The following DCDC2C variants were observed in gnomAD, a reference collection of about 807,000 sequenced individuals.
DCDC2C encodes the protein doublecortin domain-containing protein 2C.
Under a neutral mutation model 45.0 loss-of-function variants are expected in DCDC2C, and 44 were observed. The ratio of observed to expected loss-of-function variants is 0.98; its 90% CI spans 0.77 to 1.26. DCDC2C has a LOEUF of 1.26. Among genes scored for constraint, DCDC2C ranks in the 50% most tolerant of loss-of-function variants. The pLI, the probability that DCDC2C is intolerant of heterozygous loss-of-function variation, is 0.00. For missense variants in DCDC2C, 447 were observed against 468.9 expected, an observed-to-expected ratio of 0.95 and a Z score of 0.43; for synonymous variants, 187 against 178.8, an observed-to-expected ratio of 1.05 and a Z score of -0.37.
intron 10 of DCDC2C, among the ~76,000 whole-genome samples, chr2:3,791,851 A>C (rs1293927728): frequency 6.6e-6 from 1 of 152,242 alleles, no homozygotes; most frequent in African/African-American, 2.4e-5. Context: ...ACACACCGCC[A>C]CAGGGCATTC....
chr2:3,816,475 A>C (rs1295443483), intron 10 of DCDC2C, among the ~76,000 whole-genome samples: 1 of 152,212 alleles, frequency 6.6e-6, no homozygotes, highest in East Asian at 1.9e-4. Flanking sequence ...AGGCCTCAGC[A>C]ATTCTGGAAG....
intron 10 of DCDC2C, among the ~76,000 whole-genome samples, chr2:3,817,745 G>A (rs997894751): frequency 6.6e-6 from 1 of 152,210 alleles, no homozygotes; most frequent in African/African-American, 2.4e-5. Flanking sequence ...AAAGGGTTGG[G>A]ATGAGTTAGG....
chr2:3,843,133 G>C (rs1033934002), intron 10 of DCDC2C, among the ~76,000 whole-genome samples: 1 of 152,196 alleles, frequency 6.6e-6, no homozygotes, highest in Non-Finnish European at 1.5e-5. Flanking sequence ...GAAGGGAAAG[G>C]GATGAGAGTA....
intron 10 of DCDC2C, among the ~76,000 whole-genome samples, chr2:3,791,933 C>T (rs17018075): frequency 0.13 from 19,905 of 152,158 alleles, 1,452 homozygotes; most frequent in East Asian, 0.28. Flanking sequence ...AGATGAAGCT[C>T]GGTGTTCAGG....
chr2:3,745,988 T>G (rs1669349589), intron 4 of DCDC2C, among the ~76,000 whole-genome samples: 1 of 152,168 alleles, frequency 6.6e-6, no homozygotes, highest in African/African-American at 2.4e-5. Flanking sequence ...TTTGGAATAA[T>G]GTATCCAAAT....
At chr2:3,711,086 GT>G (rs1236209400) in intron 2 of DCDC2C, among the ~76,000 whole-genome samples, 1 of 152,166 alleles carries the variant, frequency 6.6e-6, no homozygotes, top group Non-Finnish European at 1.5e-5. Flanking sequence ...AGCAACTTCT[GT>G]TTTTTGACTT....
rs539535465 is a variant in DCDC2C at position 3,771,211 on chromosome 2, G to T, written c.954+1800G>T. ...GCTGGGATGCTGGGGACAGCTGAGT[G>T]CCAGGAGGACCCTTCCTGCACAGCA... On this transcript the variant is annotated intron_variant, in intron 8 of 10. Coordinates refer to ENST00000399143, the MANE Select transcript of DCDC2C (RefSeq NM_001287444.2). Among the ~76,000 whole-genome samples, 56 of 152,352 alleles carry T rather than the reference G, an allele frequency of 3.7e-4. 1 individual carries two copies. Among genetic ancestry groups the T allele is most frequent in the African/African-American group, 1.2e-3 (51 of 41,586 alleles).
intron 4 of DCDC2C, among the ~76,000 whole-genome samples, chr2:3,750,362 C>T (rs148479965): frequency 1.1e-4 from 17 of 152,262 alleles, no homozygotes; most frequent in African/African-American, 3.1e-4. Context: ...CTTTACTTCA[C>T]GTCATTCTCA....
intron 4 of DCDC2C, among the ~76,000 whole-genome samples, chr2:3,745,237 C>T (rs1260484572): frequency 2.6e-5 from 4 of 152,138 alleles, no homozygotes; most frequent in African/African-American, 9.7e-5. Context: ...CTGCCCACCT[C>T]GGCCTCCCAA....
chr2:3,754,608 G>A lies in DCDC2C; in HGVS notation c.700G>A (p.Glu234Lys). The change falls in exon 6 of 11, where the codon GAA becomes AAA. Residue 234 changes from glutamate to lysine, a missense_variant. Coordinates refer to ENST00000399143, the MANE Select transcript of DCDC2C (RefSeq NM_001287444.2). ...GTCTTGCAGAAGGTATGCGAATGTT[G>A]AAAAAAACTCACAGAGAAAGAAAAA... ...SEVQQRYANVEKNSQRKKKVD... is the reference protein window; with the variant it reads ...SEVQQRYANVKKNSQRKKKVD... 1 of 1,549,384 alleles carries A rather than the reference G, an allele frequency of 6.5e-7. No homozygotes were observed. Among genetic ancestry groups the A allele is most frequent in the Non-Finnish European group, 8.7e-7 (1 of 1,146,662 alleles).
chr2:3,724,301 GT>G (rs1459797635), intron 2 of DCDC2C, among the ~76,000 whole-genome samples: 1 of 152,070 alleles, frequency 6.6e-6, no homozygotes, highest in Admixed American at 6.5e-5. Context: ...GCTGCCTCTC[GT>G]GCAGCTCTCT....
intron 10 of DCDC2C, among the ~76,000 whole-genome samples, chr2:3,821,030 C>T (rs1033797032): frequency 7.2e-5 from 11 of 152,006 alleles, no homozygotes; most frequent in Admixed American, 3.3e-4. Context: ...TGGTTGCAGG[C>T]GGGCTGAGTC....
rs1209440034 is a variant in DCDC2C at position 3,761,308 on chromosome 2, G to T, written c.727-6446G>T. ...GAACATTAATATTAAATTCTTCTGGGCATAGAGCACAAGTGTTCGTAGTGA... is the reference window on the plus strand; with the variant it reads ...GAACATTAATATTAAATTCTTCTGGTCATAGAGCACAAGTGTTCGTAGTGA... On this transcript the variant is annotated intron_variant, in intron 6 of 10. Coordinates refer to ENST00000399143, the MANE Select transcript of DCDC2C (RefSeq NM_001287444.2). This position sits in a 1 kb window ranked among gnomAD's most constrained non-coding sequence, Gnocchi z 4.3. 6.6e-6 allele frequency among the ~76,000 whole-genome samples: 1 copy of T among 152,124 alleles called. No individual in the cohort carries two copies. Among genetic ancestry groups the T allele is most frequent in the East Asian group, 1.9e-4 (1 of 5,204 alleles).
intron 1 of DCDC2C, 41 bp from the exon 2 acceptor site, chr2:3,708,508 A>G (rs1305490840): frequency 6.8e-7 from 1 of 1,465,068 alleles, no homozygotes; most frequent in Non-Finnish European, 9.3e-7. Flanking sequence ...CTATGTAAAT[A>G]TCTTCCTTCT....
chr2:3,717,606 T>C (rs1668381978), intron 2 of DCDC2C, among the ~76,000 whole-genome samples: 1 of 152,146 alleles, frequency 6.6e-6, no homozygotes, highest in Admixed American at 6.5e-5. Context: ...TCCAACCTTG[T>C]CCCTTTCCCA....
chr2:3,783,340 C>T (rs1670564293), intron 9 of DCDC2C, among the ~76,000 whole-genome samples: 1 of 152,168 alleles, frequency 6.6e-6, no homozygotes, highest in South Asian at 2.1e-4. Context: ...ATGCCTGCTG[C>T]ACCTCTGCCT....
At chr2:3,771,160 GGC>G (rs1670155229) in intron 8 of DCDC2C, among the ~76,000 whole-genome samples, 1 of 152,240 alleles carries the variant, frequency 6.6e-6, no homozygotes, top group Admixed American at 6.5e-5. Flanking sequence ...CTCCGTGCGT[GGC>G]GAGAGCAGAA....
chr2:3,839,150 C>T (rs1572652920), intron 10 of DCDC2C, among the ~76,000 whole-genome samples: 2 of 152,288 alleles, frequency 1.3e-5, no homozygotes, highest in South Asian at 4.1e-4. Flanking sequence ...TTTGATGTAA[C>T]TTGCAGTTCC....
intron 10 of DCDC2C, among the ~76,000 whole-genome samples, chr2:3,810,223 A>C (rs1046410584): frequency 3.3e-5 from 5 of 152,200 alleles, no homozygotes; most frequent in Non-Finnish European, 1.5e-5. Flanking sequence ...GTGTAAAAGC[A>C]TTCTGATTTC....
Sources: gnomAD v4.1 joint callset for allele counts (sites outside exome capture counted in the v4.1 genomes callset) on GRCh38, gnomAD v4.1.1 for gene constraint, Gnocchi (gnomAD v3.1) non-coding constraint, MANE v1.5 for transcripts, NCBI Gene and HGNC (gene_info 2026-07-23, HGNC 2026-07-21) for gene names.